Variants in KARS1 observed in about 807,000 individuals in gnomAD.
KARS1 encodes the protein lysine--tRNA ligase.
Under a neutral mutation model 63.9 loss-of-function variants are expected in KARS1, and 50 were observed. The observed-to-expected ratio is 0.78, with a 90% confidence interval of 0.62 to 0.99. The LOEUF is 0.99. Among genes scored for constraint, KARS1 ranks in the 50% least tolerant of loss-of-function variants. The pLI, the probability that KARS1 is intolerant of heterozygous loss-of-function variation, is 0.00. For synonymous variants in KARS1, 320 were observed against 264.6 expected (o/e 1.21, Z -2.03); for missense variants, 816 against 754.5 (o/e 1.08, Z -0.95).
chr16:75,628,800 G>T, intron 12 of KARS1, 88 bp from the exon 13 acceptor site: 1 of 1,382,432 alleles, frequency 7.2e-7, no homozygotes, highest in Non-Finnish European at 1.0e-6. Context: ...CGAGGTGGGA[G>T]TACCATCATT....
At chr16:75,634,021 G>C (rs1308504960) in intron 7 of KARS1, 152 bp downstream of exon 7, 1 of 813,754 alleles carries the variant, frequency 1.2e-6, no homozygotes, top group African/African-American at 1.7e-5. Context: ...AATTCTGGAA[G>C]TGTTACTCAC....
intron 1 of KARS1, among the ~76,000 whole-genome samples, chr16:75,644,630 C>A (rs1347195107): frequency 6.6e-6 from 1 of 152,204 alleles, no homozygotes; most frequent in East Asian, 1.9e-4. Context: ...CTCTGTGCTA[C>A]AACTGTAACT....
chr16:75,628,123 G>T, intron 13 of KARS1, 130 bp from the exon 14 acceptor site: 2 of 720,448 alleles, frequency 2.8e-6, no homozygotes, highest in Non-Finnish European at 5.1e-6. Flanking sequence ...AGCTGAAAAG[G>T]CTCATGTGTT....
intron 1 of KARS1, chr16:75,647,350 T>A (rs1404391134): frequency 6.4e-6 from 4 of 627,734 alleles, no homozygotes; most frequent in Non-Finnish European, 1.1e-5. Context: ...ACTCTAGGAG[T>A]ATGATAGGGA....
At chr16:75,638,568 T>C (rs1029240546) in intron 3 of KARS1, among the ~76,000 whole-genome samples, 2 of 151,980 alleles carry the variant, frequency 1.3e-5, no homozygotes, top group Admixed American at 6.6e-5. Flanking sequence ...AGAACACAAA[T>C]TAGAACTAGA....
Position 75,640,429 on chromosome 16 carries a change from A to G in KARS1, c.223-80T>C, listed in dbSNP as rs1054810116. 21 of 1,366,118 alleles carry G rather than the reference A, an allele frequency of 1.5e-5. 1 individual carries two copies. The African/African-American group carries it at 2.6e-4, about 17-fold the overall frequency. 84.6% of individuals were successfully genotyped at this position (1,366,118 alleles called of 1,614,324 possible). ...TGGGGCCCACCTAGCAGAGGGCAGT[A>G]TTCTGCCCCCGAGTGACCCCAATAC... On this transcript the variant is annotated intron_variant, in intron 2 of 13. Coordinates refer to ENST00000302445, the MANE Select transcript of KARS1 (RefSeq NM_005548.3).
chr16:75,646,456 G>A (rs1029117686), intron 1 of KARS1, among the ~76,000 whole-genome samples: 1 of 151,568 alleles, frequency 6.6e-6, no homozygotes, highest in African/African-American at 2.4e-5. Context: ...CAGGAGAATC[G>A]CTTGAACCCT....
At chr16:75,644,925 GAGA>G (rs2082264619) in intron 1 of KARS1, among the ~76,000 whole-genome samples, 1 of 152,344 alleles carries the variant, frequency 6.6e-6, no homozygotes, top group Admixed American at 6.5e-5. Context: ...ACGTGTCAAA[GAGA>G]AGACTTGTTT....
intron 1 of KARS1, among the ~76,000 whole-genome samples, chr16:75,644,628 T>C (rs756437281): frequency 6.6e-6 from 1 of 152,220 alleles, no homozygotes; most frequent in Non-Finnish European, 1.5e-5. Context: ...CTCTCTGTGC[T>C]ACAACTGTAA....
intron 2 of KARS1, among the ~76,000 whole-genome samples, chr16:75,641,068 C>T (rs182942541): frequency 6.6e-6 from 1 of 152,068 alleles, no homozygotes; most frequent in Non-Finnish European, 1.5e-5. Context: ...ACTTGGGAGG[C>T]TGAGGAAGGA....
At chr16:75,634,359 G>C in intron 6 of KARS1, 67 bp from the exon 7 acceptor site, 3 of 1,539,130 alleles carry the variant, frequency 1.9e-6, no homozygotes, top group Non-Finnish European at 2.7e-6. Context: ...ACCATGCTTT[G>C]CATGTAATAT....
intron 7 of KARS1, chr16:75,633,945 CT>C: frequency 1.9e-6 from 1 of 535,446 alleles, no homozygotes; most frequent in Non-Finnish European, 3.5e-6. Flanking sequence ...TAAGGAGTGC[CT>C]GTATACATGG....
intron 3 of KARS1, among the ~76,000 whole-genome samples, chr16:75,639,189 AT>A (rs2082196084): frequency 1.3e-5 from 2 of 152,328 alleles, no homozygotes; most frequent in Admixed American, 6.5e-5. Flanking sequence ...AAATAAAAAA[AT>A]AAAAAAAAAT....
intron 10 of KARS1, among the ~76,000 whole-genome samples, chr16:75,630,822 A>G (rs895145155): frequency 6.6e-6 from 1 of 151,816 alleles, no homozygotes; most frequent in Non-Finnish European, 1.5e-5. Flanking sequence ...TTTTGTAGAG[A>G]CAGGGTTTCA....
At chr16:75,643,269 G>A (rs1246237646) in intron 1 of KARS1, among the ~76,000 whole-genome samples, 1 of 152,082 alleles carries the variant, frequency 6.6e-6, no homozygotes, top group Non-Finnish European at 1.5e-5. Context: ...AACCACAGCA[G>A]AAGATCCCAA....
Position 75,635,672 on chromosome 16 carries a change from C to A in KARS1, c.795+8G>T, listed in dbSNP as rs1190211844. 2 of 1,613,562 alleles carry A rather than the reference C, an allele frequency of 1.2e-6. No individual in the cohort carries two copies. The highest frequency in any genetic ancestry group is 1.7e-6 in the Non-Finnish European group (2 of 1,179,826). ...AGCTCATCACGTCAGGCAAGGAACT[C>A]TCCTTACCTCTAGGAATCCCAGCTC... On this transcript the variant is annotated splice_region_variant and intron_variant, in intron 6 of 13. Coordinates refer to ENST00000302445, the MANE Select transcript of KARS1 (RefSeq NM_005548.3).
At chr16:75,633,884 T>C (rs890145666) in intron 7 of KARS1, 8 of 384,854 alleles carry the variant, frequency 2.1e-5, no homozygotes, top group Non-Finnish European at 4.0e-5. Context: ...TTAAATCAGA[T>C]CTAATCCACG....
chr16:75,635,547 C>G, intron 6 of KARS1, 133 bp downstream of exon 6: 2 of 1,036,436 alleles, frequency 1.9e-6, no homozygotes, highest in Non-Finnish European at 1.5e-6. Flanking sequence ...GAGACGATGG[C>G]AAGAAAAGGG....
intron 7 of KARS1, chr16:75,633,953 A>G (rs2082136210): frequency 3.5e-6 from 2 of 563,928 alleles, no homozygotes; most frequent in Non-Finnish European, 6.6e-6. Context: ...GCCTGTATAC[A>G]TGGGAAAGAC....
Sources: gnomAD v4.1 joint callset for allele counts (sites outside exome capture counted in the v4.1 genomes callset) on GRCh38, gnomAD v4.1.1 for gene constraint, MANE v1.5 for transcripts, NCBI Gene and HGNC (gene_info 2026-07-23, HGNC 2026-07-21) for gene names.